SMG5: variants seen among roughly 807,000 people sequenced by gnomAD.
SMG5 encodes SMG5 nonsense mediated mRNA decay factor.
Under a neutral mutation model 122.9 loss-of-function variants are expected in SMG5, and 53 were observed. That is an observed-to-expected ratio of 0.43 (90% CI 0.35 to 0.54). The LOEUF is 0.54. SMG5 is among the 20% of genes least tolerant of loss of function. The pLI, the probability that SMG5 is intolerant of heterozygous loss-of-function variation, is 0.01. For synonymous variants in SMG5, 477 were observed against 490.2 expected, an observed-to-expected ratio of 0.97 and a Z score of 0.35; for missense variants, 1,153 against 1,285.6, an observed-to-expected ratio of 0.90 and a Z score of 1.58.
chr1:156,262,139 C>T (rs1187589400), intron 13 of SMG5, among the ~76,000 whole-genome samples: 1 of 152,070 alleles, frequency 6.6e-6, no homozygotes, highest in African/African-American at 2.4e-5. Flanking sequence ...GCAGGCAGAT[C>T]ACTTGAGGTC....
At chr1:156,267,874 A>G (rs1662228353) in intron 9 of SMG5, among the ~76,000 whole-genome samples, 196 bp from the exon 10 acceptor site, 1 of 152,198 alleles carries the variant, frequency 6.6e-6, no homozygotes. Context: ...CTTCCCATTC[A>G]GCCATTCCCT....
chr1:156,261,821 C>T (rs921933615), intron 13 of SMG5, among the ~76,000 whole-genome samples: 3 of 141,684 alleles, frequency 2.1e-5, no homozygotes, highest in Admixed American at 7.5e-5. Context: ...ACCCAGGAGG[C>T]GGAGGCTGCA....
rs563318958 is a variant in SMG5, at chr1:156,267,268, A to C, written c.1117+202T>G. 5.3e-5 allele frequency among the ~76,000 whole-genome samples: 8 copies of C among 152,308 alleles called. No individual in the cohort carries two copies. In the South Asian group the frequency reaches 8.3e-4, roughly 16 times the overall value. Reference sequence around the variant, plus strand: ...GAGGCAGTAAGGAGAAGGGGGAAGGAAATGTGCTGTTGCTTGTACTCAATT... The same window carrying C: ...GAGGCAGTAAGGAGAAGGGGGAAGGCAATGTGCTGTTGCTTGTACTCAATT... On this transcript the variant is annotated intron_variant, in intron 10 of 21. Transcript: ENST00000361813.
chr1:156,271,566 G>GTTTTTT (rs755111375), intron 7 of SMG5, among the ~76,000 whole-genome samples: 24 of 82,288 alleles, frequency 2.9e-4, no homozygotes, highest in East Asian at 8.2e-4. Context: ...CCCTGAAGAG[G>GTTTTTT]TTTTTTTTTT....
At chr1:156,251,161 C>T in intron 20 of SMG5, 165 bp from the exon 21 acceptor site, 3 of 1,006,526 alleles carry the variant, frequency 3.0e-6, no homozygotes, top group Non-Finnish European at 4.4e-6. Context: ...GGCAAAGGTG[C>T]ATTGAGGGAA....
chr1:156,285,646 G>T (rs757216955), upstream of SMG5: 1 of 1,614,014 alleles, frequency 6.2e-7, no homozygotes, highest in East Asian at 2.2e-5. Flanking sequence ...TTGAGCGGCA[G>T]CCCCAAGAAG....
Position 156,266,576 on chromosome 1 carries a change from T to G in SMG5, c.1220A>C (p.Glu407Ala). 1 of 1,614,172 alleles carries G rather than the reference T, an allele frequency of 6.2e-7. No homozygotes were observed. Among genetic ancestry groups the G allele is most frequent in the South Asian group, 1.1e-5 (1 of 91,086 alleles). Residue 407 changes from glutamate to alanine, a missense_variant, in exon 11 of 22, where the codon GAG (glutamate) becomes GCG (alanine). Glu to Ala is a moderately radical substitution (Grantham distance 107, BLOSUM62 -1). This residue lies in a region of SMG5 where 631 missense variants were observed against 650.6 expected (regional missense o/e 0.97). Transcript: ENST00000361813. Reference sequence around the variant, plus strand: ...ACTCTGGAATGCCGGGACGGGATTCTCGCCCTCTTCCAGCTCAGCCTGCAG... The same window carrying G: ...ACTCTGGAATGCCGGGACGGGATTCGCGCCCTCTTCCAGCTCAGCCTGCAG... ...IRLQAELEEGENPVPAFQSDG... is the reference protein window; with the variant it reads ...IRLQAELEEGANPVPAFQSDG...
chr1:156,259,666 C>A (rs1297650208), intron 15 of SMG5, among the ~76,000 whole-genome samples: 5 of 152,058 alleles, frequency 3.3e-5, no homozygotes, highest in Non-Finnish European at 7.4e-5. Context: ...GTAGCTGGGA[C>A]TACAGGTGCG....
At chr1:156,277,053 C>G in intron 4 of SMG5, 32 bp downstream of exon 4, 1 of 1,603,124 alleles carries the variant, frequency 6.2e-7, no homozygotes, top group Non-Finnish European at 8.5e-7. Context: ...GCATGAGAAC[C>G]TGCTCAAGTC....
rs1287664121 is a variant in SMG5 at position 156,249,609 on chromosome 1, T to C, written c.*978A>G. The C allele has an allele frequency of 2.5e-6, 1 of 395,692 alleles. No homozygotes were observed. The highest frequency in any genetic ancestry group is 5.2e-6 in the Non-Finnish European group (1 of 193,272). 24.5% of individuals were successfully genotyped at this position (395,692 alleles called of 1,614,324 possible). On this transcript the variant is annotated 3_prime_UTR_variant, in exon 22 of 22. Coordinates refer to ENST00000361813, the MANE Select transcript of SMG5 (RefSeq NM_015327.3). The stretch of plus-strand genomic sequence containing the variant: ...GCCAGCCCCTTCAGGTCTTCAGTCC[T>C]GCGGAAGGCAAAAGGAGGGACGGGG...
At chr1:156,281,397 C>A (rs185444416) in intron 1 of SMG5, among the ~76,000 whole-genome samples, 1 of 152,216 alleles carries the variant, frequency 6.6e-6, no homozygotes, top group Non-Finnish European at 1.5e-5. Flanking sequence ...CACTGACACT[C>A]GGCAGCATGA....
At position 156,250,816 on chromosome 1, in the gene SMG5, G is replaced by A. The variant is rs201537373; in HGVS notation, c.2967+42C>T. 166 of 1,610,626 alleles carry A rather than the reference G, an allele frequency of 1.0e-4. No homozygotes were observed. The East Asian group carries it at 3.1e-3, about 31-fold the overall frequency. On this transcript the variant is annotated intron_variant, in intron 21 of 21. Coordinates refer to ENST00000361813, the MANE Select transcript of SMG5 (RefSeq NM_015327.3). ...GGGATGGAGTCTGCTCTGGTACCTC[G>A]TCCCTATTCCACACCATCCCCCCAC...
Position 156,261,361 on chromosome 1 carries a change from C to A in SMG5, c.2079G>T (p.Leu693Phe). The A allele has an allele frequency of 6.2e-7, 1 of 1,614,122 alleles. No individual in the cohort carries two copies. The change falls in exon 14 of 22, where the codon TTG (leucine) becomes TTT (phenylalanine). Residue 693 changes from leucine to phenylalanine, a missense_variant. Physicochemically the swap from Leu to Phe is conservative, Grantham distance 22 (BLOSUM62 0). Coordinates refer to ENST00000361813, the MANE Select transcript of SMG5 (RefSeq NM_015327.3). ...ACTCCTGGAGTTCACCAGCAGCAGGCAACAGATTCAGCAACACAGACAGGC... is the reference window on the plus strand; with the variant it reads ...ACTCCTGGAGTTCACCAGCAGCAGGAAACAGATTCAGCAACACAGACAGGC... ...WNRLSVLLNL[L>F]PAAGELQESG...
At position 156,278,989 on chromosome 1, in the gene SMG5, G is replaced by C. The variant is rs779182567; in HGVS notation, c.120C>G (p.Asn40Lys). The change falls in exon 2 of 22, where the codon AAC becomes AAG. Residue 40 changes from asparagine (N) to lysine (K), a missense_variant. Physicochemically the swap from Asn to Lys is moderately conservative, Grantham distance 94. Around this residue, in one of 5 missense-constraint regions of SMG5, gnomAD observed 213 missense variants for 197.5 expected, o/e 1.08. Coordinates refer to ENST00000361813, the MANE Select transcript of SMG5 (RefSeq NM_015327.3). ...AVHRLDLILC[N>K]KTAYQEVFKP... is the part of the protein sequence containing the mutation. ...TGAATACTTCTTGATAAGCAGTTTT[G>C]TTGCAAAGGATGAGGTCAAGTCGAT... 2.5e-6 allele frequency: 4 copies of C among 1,614,174 alleles called. No homozygotes were observed. In the South Asian group the frequency reaches 4.4e-5, roughly 18 times the overall value.
At chr1:156,257,448 T>C (rs945676951) in intron 16 of SMG5, among the ~76,000 whole-genome samples, 8 of 152,194 alleles carry the variant, frequency 5.3e-5, no homozygotes, top group Admixed American at 2.6e-4. Context: ...GGCCTGTGTC[T>C]ATCTTGGCAT....
intron 15 of SMG5, among the ~76,000 whole-genome samples, chr1:156,259,428 A>C (rs1661719244): frequency 6.6e-6 from 1 of 152,216 alleles, no homozygotes; most frequent in African/African-American, 2.4e-5. Context: ...AAGAAACAAG[A>C]GCAAAGGACA....
chr1:156,270,598 A>G (rs1188554943), intron 7 of SMG5, among the ~76,000 whole-genome samples: 1 of 152,322 alleles, frequency 6.6e-6, no homozygotes, highest in South Asian at 2.1e-4. Flanking sequence ...CACCTCCCAA[A>G]CTTGGATATA....
chr1:156,278,243 A>C (rs1662773797), intron 2 of SMG5, among the ~76,000 whole-genome samples, 195 bp from the exon 3 acceptor site: 1 of 152,160 alleles, frequency 6.6e-6, no homozygotes, highest in Non-Finnish European at 1.5e-5. Context: ...CAGAAGCACG[A>C]AGCACTAAAC....
At chr1:156,270,734 A>G (rs1023465454) in intron 7 of SMG5, among the ~76,000 whole-genome samples, 10 of 152,216 alleles carry the variant, frequency 6.6e-5, no homozygotes, top group African/African-American at 9.6e-5. Context: ...ACAGCCGGGC[A>G]CGGTGGCTCA....
Sources: gnomAD v4.1 joint callset for allele counts (sites outside exome capture counted in the v4.1 genomes callset) on GRCh38, gnomAD v4.1.1 for gene constraint, gnomAD v4.1.1 regional missense constraint, MANE v1.5 for transcripts, NCBI Gene and HGNC (gene_info 2026-07-23, HGNC 2026-07-21) for gene names.